The following PEX5L variants were observed in gnomAD, a reference collection of about 807,000 sequenced individuals.
The protein encoded by PEX5L is peroxisomal biogenesis factor 5 like, also known as PEX5-related protein.
Under a neutral mutation model 84.0 loss-of-function variants are expected in PEX5L, and 30 were observed. The observed-to-expected ratio is 0.36, with a 90% confidence interval of 0.27 to 0.48. The LOEUF is 0.48. Among genes scored for constraint, PEX5L ranks in the 20% least tolerant of loss-of-function variants. The pLI is 0.99. For synonymous variants in PEX5L, 270 were observed against 283.1 expected (o/e 0.95, Z 0.46); for missense variants, 533 against 754.6 (o/e 0.71, Z 3.44).
chr3:179,819,764 T>G (rs1015421534), intron 9 of PEX5L, 96 bp downstream of exon 9: 3 of 1,015,734 alleles, frequency 3.0e-6, no homozygotes, highest in Non-Finnish European at 4.5e-6. Flanking sequence ...TTTTAATTAC[T>G]GTGTTTTTGA....
intron 2 of PEX5L, among the ~76,000 whole-genome samples, chr3:179,922,772 T>A (rs1192867263): frequency 6.6e-6 from 1 of 152,092 alleles, no homozygotes; most frequent in Middle Eastern, 3.4e-3. Flanking sequence ...AATTCTCATA[T>A]CATATGTCTG....
At chr3:179,832,027 T>C (rs1733174685) in intron 8 of PEX5L, among the ~76,000 whole-genome samples, 1 of 152,066 alleles carries the variant, frequency 6.6e-6, no homozygotes, top group Non-Finnish European at 1.5e-5. Flanking sequence ...ATGAGGAGAA[T>C]GGAGTACATA....
At chr3:179,814,104 A>C (rs2108848881) in intron 10 of PEX5L, among the ~76,000 whole-genome samples, 1 of 152,012 alleles carries the variant, frequency 6.6e-6, no homozygotes, top group African/African-American at 2.4e-5. Flanking sequence ...TACAGGCATG[A>C]GGCACCACGC....
rs1344785280 is a variant in PEX5L at position 179,797,602 on chromosome 3, A to T, written c.*4226T>A. On this transcript the variant is annotated 3_prime_UTR_variant, in exon 15 of 15. Transcript: ENST00000467460. ...ATGAACACTCTTTAAAAAAAAAAAAAAAAATATATATATATATATATATAT... is the reference window on the plus strand; with the variant it reads ...ATGAACACTCTTTAAAAAAAAAAAATAAAATATATATATATATATATATAT... 1 of 112,578 alleles carries T rather than the reference A, an allele frequency of 8.9e-6. No homozygotes were observed. The highest frequency in any genetic ancestry group is 3.8e-5 in the African/African-American group (1 of 26,410). The allele number at this position is 112,578 out of a possible 1,614,324, so 7.0% of individuals were successfully genotyped here.
At chr3:179,943,073 CA>C (rs1334782934) in intron 2 of PEX5L, among the ~76,000 whole-genome samples, 1 of 152,190 alleles carries the variant, frequency 6.6e-6, no homozygotes, top group African/African-American at 2.4e-5. Flanking sequence ...AAAGCACTTG[CA>C]AAAGTAATGA....
chr3:180,024,941 C>A (rs1249292251), intron 1 of PEX5L, among the ~76,000 whole-genome samples: 1 of 152,068 alleles, frequency 6.6e-6, no homozygotes, highest in Admixed American at 6.5e-5. Flanking sequence ...GCTTCTAATT[C>A]CACATGATCT....
chr3:179,876,013 A>G (rs1752265422), intron 5 of PEX5L, among the ~76,000 whole-genome samples: 1 of 152,190 alleles, frequency 6.6e-6, no homozygotes, highest in Non-Finnish European at 1.5e-5. Context: ...TTTCACCAAA[A>G]GGAGAGAATT....
intron 2 of PEX5L, among the ~76,000 whole-genome samples, chr3:179,945,778 C>T (rs746872763): frequency 6.6e-6 from 1 of 152,206 alleles, no homozygotes; most frequent in Non-Finnish European, 1.5e-5. Flanking sequence ...TGCTGGACAG[C>T]TCTGATAGGA....
rs542645521 is a variant in PEX5L at position 179,889,798 on chromosome 3, G to C, written c.199-2014C>G. On this transcript the variant is annotated intron_variant, in intron 3 of 14. Coordinates refer to ENST00000467460, the MANE Select transcript of PEX5L (RefSeq NM_016559.3). ...TTTAAATGTTGAGGGACTATGAGCT[G>C]CCTATGTTTCAGGAATAAAATATAT... Among the ~76,000 whole-genome samples, 14 of 152,196 alleles carry C rather than the reference G, an allele frequency of 9.2e-5. No homozygotes were observed. The South Asian group carries it at 2.7e-3, about 29-fold the overall frequency.
chr3:179,983,826 T>C (rs1192545498), intron 1 of PEX5L, among the ~76,000 whole-genome samples: 3 of 152,092 alleles, frequency 2.0e-5, no homozygotes, highest in Non-Finnish European at 4.4e-5. Flanking sequence ...AGCTTCTCAA[T>C]AGTTAAAGAC....
At chr3:180,004,957 G>T (rs1450874202) in intron 1 of PEX5L, among the ~76,000 whole-genome samples, 1 of 152,080 alleles carries the variant, frequency 6.6e-6, no homozygotes, top group Admixed American at 6.6e-5. Flanking sequence ...TGTAAATGTG[G>T]TGTCTAGAAT....
chr3:180,001,060 T>TA (rs1788355962), intron 1 of PEX5L, among the ~76,000 whole-genome samples: 1 of 152,070 alleles, frequency 6.6e-6, no homozygotes, highest in East Asian at 1.9e-4. Flanking sequence ...GACCCACCCT[T>TA]AATCTGGGTG....
chr3:179,887,250 T>C (rs1159804729), intron 4 of PEX5L, among the ~76,000 whole-genome samples: 1 of 152,250 alleles, frequency 6.6e-6, no homozygotes, highest in African/African-American at 2.4e-5. Flanking sequence ...GGATATTTTG[T>C]CATTTAAATC....
At chr3:179,815,555 A>G (rs1019746075) in intron 10 of PEX5L, among the ~76,000 whole-genome samples, 25 of 152,184 alleles carry the variant, frequency 1.6e-4, no homozygotes, top group Admixed American at 1.6e-3. Flanking sequence ...ATTTCACACC[A>G]GCCTGGTTGA....
chr3:179,858,477 A>G (rs1567622), intron 8 of PEX5L, among the ~76,000 whole-genome samples: 140,586 of 152,068 alleles, frequency 0.92, 65,108 homozygotes, highest in African/African-American at 0.98. Flanking sequence ...TTATTAGAAG[A>G]CTAAATACAG....
At chr3:180,002,278 G>A (rs576020016) in intron 1 of PEX5L, among the ~76,000 whole-genome samples, 3 of 152,108 alleles carry the variant, frequency 2.0e-5, no homozygotes, top group Non-Finnish European at 4.4e-5. Flanking sequence ...GATTAGAAGA[G>A]TGTATTTTTT....
chr3:179,839,051 AT>A (rs1274571534), intron 8 of PEX5L, among the ~76,000 whole-genome samples: 2 of 149,462 alleles, frequency 1.3e-5, no homozygotes, highest in Admixed American at 6.7e-5. Context: ...AAAAAAATCT[AT>A]TTTTTTTTCG....
rs150965343 is a variant in PEX5L at position 179,977,424 on chromosome 3, C to G, written c.22-5759G>C. ...GCTTTGTTTATTGCATTTAATATGC[C>G]CCTTTCCTCTTGACTCTCCCTTATA... is the stretch of plus-strand genomic sequence containing the variant. On this transcript the variant is annotated intron_variant, in intron 1 of 14. Transcript: ENST00000467460. 3.9e-3 allele frequency among the ~76,000 whole-genome samples: 591 copies of G among 152,166 alleles called. 3 individuals carry two copies. The highest frequency in any genetic ancestry group is 0.013 in the African/African-American group (549 of 41,498).
intron 1 of PEX5L, among the ~76,000 whole-genome samples, chr3:179,974,568 C>T (rs534901511): frequency 6.6e-6 from 1 of 152,220 alleles, no homozygotes; most frequent in African/African-American, 2.4e-5. Flanking sequence ...CCATAAGAAG[C>T]TTTCAGCTCA....
Sources: gnomAD v4.1 joint callset for allele counts (sites outside exome capture counted in the v4.1 genomes callset) on GRCh38, gnomAD v4.1.1 for gene constraint, MANE v1.5 for transcripts, NCBI Gene and HGNC (gene_info 2026-07-23, HGNC 2026-07-21) for gene names.